Variants in LGSN observed in about 807,000 individuals in gnomAD.
LGSN encodes the protein lengsin, lens protein with glutamine synthetase domain, also known as lengsin.
Under a neutral mutation model 19.5 loss-of-function variants are expected in LGSN, and 21 were observed. The ratio of observed to expected loss-of-function variants is 1.07; its 90% CI spans 0.76 to 1.55. The LOEUF (loss-of-function observed/expected upper bound fraction) is 1.55. Among genes scored for constraint, LGSN ranks in the 40% most tolerant of loss-of-function variants. The probability of loss-of-function intolerance (pLI) is 0.00; values close to 1 mark genes in which losing one functional copy is unlikely to be tolerated. For missense variants in LGSN, 673 were observed against 608.5 expected (o/e 1.11, Z -1.12); for synonymous variants, 257 against 215.6 (o/e 1.19, Z -1.68).
chr6:63,424,512 C>T, the LGSN span, among the ~76,000 whole-genome samples: 5 of 144,094 alleles, frequency 3.5e-5, no homozygotes, highest in East Asian at 7.9e-4. Context: ...AAACCAGACA[C>T]ACACACACAC....
At chr6:63,428,944 G>A in the LGSN span, among the ~76,000 whole-genome samples, 2 of 152,152 alleles carry the variant, frequency 1.3e-5, no homozygotes, top group South Asian at 2.1e-4. Flanking sequence ...AGCTACTCAG[G>A]AGGCTGAGGT....
the LGSN span, among the ~76,000 whole-genome samples, chr6:63,456,367 A>ATATACTTTTTTTTTTTT: frequency 3.0e-5 from 1 of 32,814 alleles, no homozygotes; most frequent in Admixed American, 3.2e-4. Flanking sequence ...ATATATATAT[A>ATATACTTTTTTTTTTTT]TATATATATA....
chr6:63,393,193 A>G, the LGSN span, among the ~76,000 whole-genome samples: 3 of 139,476 alleles, frequency 2.2e-5, no homozygotes, highest in Admixed American at 7.4e-5. Flanking sequence ...GCCAAGATGG[A>G]GTCTCACTCT....
chr6:63,379,184 C>A, the LGSN span, among the ~76,000 whole-genome samples: 3 of 152,096 alleles, frequency 2.0e-5, no homozygotes, highest in East Asian at 1.9e-4. Flanking sequence ...AATGCCCCCC[C>A]CTTTTTTTTA....
chr6:63,399,671 T>C, the LGSN span, among the ~76,000 whole-genome samples: 1 of 151,404 alleles, frequency 6.6e-6, no homozygotes, highest in South Asian at 2.1e-4. Flanking sequence ...GCTGGGATTA[T>C]AGGTGTGAGC....
chr6:63,457,123 C>T, the LGSN span, among the ~76,000 whole-genome samples: 3 of 152,186 alleles, frequency 2.0e-5, no homozygotes, highest in Non-Finnish European at 4.4e-5. Context: ...CAAGTGGTTG[C>T]TTAGTCCACA....
At chr6:63,516,247 A>C in the LGSN span, among the ~76,000 whole-genome samples, 1 of 152,194 alleles carries the variant, frequency 6.6e-6, no homozygotes, top group Non-Finnish European at 1.5e-5. Flanking sequence ...GAATCCACCT[A>C]TCCAAAAGGT....
intron 2 of LGSN, chr6:63,293,584 C>A (rs1767855523): frequency 3.0e-6 from 1 of 336,596 alleles, no homozygotes; most frequent in Non-Finnish European, 5.9e-6. Flanking sequence ...ACATTACATT[C>A]TCTCTAATTC....
At chr6:63,446,237 G>A in the LGSN span, among the ~76,000 whole-genome samples, 3 of 110,698 alleles carry the variant, frequency 2.7e-5, no homozygotes, top group African/African-American at 1.1e-4. Context: ...CGACGAGACT[G>A]TGTCTCAAAA....
Position 63,307,908 on chromosome 6 carries a change from C to G in LGSN, c.30+12006G>C, listed in dbSNP as rs568522887. Among the ~76,000 whole-genome samples, 104 of 152,176 alleles carry G rather than the reference C, an allele frequency of 6.8e-4. 1 individual carries two copies. Among genetic ancestry groups the G allele is most frequent in the Non-Finnish European group, 1.2e-3 (84 of 68,006 alleles). On this transcript the variant is annotated intron_variant, in intron 1 of 3. Coordinates refer to ENST00000370657, the MANE Select transcript of LGSN (RefSeq NM_016571.3). The stretch of plus-strand genomic sequence containing the variant: ...AATCATGAAGGCATATCAAGCAGTC[C>G]GAGGATTCTTAGAGTGGGGCAGTGT...
chr6:63,388,803 A>G, the LGSN span, among the ~76,000 whole-genome samples: 58 of 152,382 alleles, frequency 3.8e-4, no homozygotes, highest in Non-Finnish European at 6.8e-4. Context: ...AAAACAAGAC[A>G]GAGAACTTGT....
At chr6:63,427,486 C>T in the LGSN span, among the ~76,000 whole-genome samples, 2 of 152,140 alleles carry the variant, frequency 1.3e-5, no homozygotes, top group Non-Finnish European at 2.9e-5. Flanking sequence ...AAAAAATAGG[C>T]TATTCCTGAT....
the LGSN span, among the ~76,000 whole-genome samples, chr6:63,419,161 G>A: frequency 6.6e-6 from 1 of 152,142 alleles, no homozygotes; most frequent in Non-Finnish European, 1.5e-5. Context: ...TTTTCCTTGA[G>A]TCCTGAGGTT....
At chr6:63,549,820 A>G in the LGSN span, among the ~76,000 whole-genome samples, 1 of 152,162 alleles carries the variant, frequency 6.6e-6, no homozygotes, top group Non-Finnish European at 1.5e-5. Context: ...GGGTAGAGGG[A>G]AGAGGAAAAT....
At chr6:63,495,030 AT>A in the LGSN span, among the ~76,000 whole-genome samples, 1 of 152,250 alleles carries the variant, frequency 6.6e-6, no homozygotes, top group East Asian at 1.9e-4. Flanking sequence ...GAAAGTTTTC[AT>A]TGTCTATTAA....
At chr6:63,446,104 C>A in the LGSN span, among the ~76,000 whole-genome samples, 1 of 151,978 alleles carries the variant, frequency 6.6e-6, no homozygotes, top group African/African-American at 2.4e-5. Context: ...CAAAAATTAG[C>A]CGGGCCATGG....
the LGSN span, among the ~76,000 whole-genome samples, chr6:63,516,118 A>G: frequency 2.0e-5 from 3 of 152,222 alleles, no homozygotes; most frequent in Admixed American, 1.3e-4. Flanking sequence ...CATCAATAGA[A>G]CAGCAAAGCA....
chr6:63,436,707 A>G, the LGSN span, among the ~76,000 whole-genome samples: 20 of 152,296 alleles, frequency 1.3e-4, no homozygotes, highest in East Asian at 3.9e-3. Flanking sequence ...TTGGGTTTGG[A>G]CACCCAAGAA....
chr6:63,417,682 T>G, the LGSN span, among the ~76,000 whole-genome samples: 1 of 152,002 alleles, frequency 6.6e-6, no homozygotes, highest in African/African-American at 2.4e-5. Flanking sequence ...TATGTAAAAG[T>G]GTGGCAGGGA....
Sources: allele counts gnomAD v4.1 joint callset (sites outside exome capture counted in the v4.1 genomes callset), GRCh38; gene constraint gnomAD v4.1.1; transcripts MANE v1.5; gene names NCBI Gene and HGNC (gene_info 2026-07-23, HGNC 2026-07-21).